Variants in DROSHA observed in about 807,000 individuals in gnomAD.
The protein encoded by DROSHA is ribonuclease 3.
DROSHA carries 56 observed loss-of-function variants against 181.9 expected under a neutral mutation model. That is an observed-to-expected ratio of 0.31 (90% CI 0.25 to 0.38). DROSHA has a LOEUF of 0.38. Ranked by LOEUF, DROSHA falls within the 10% of genes least tolerant of loss-of-function variation. The probability of loss-of-function intolerance (pLI) is 1.00; values close to 1 mark genes in which losing one functional copy is unlikely to be tolerated. For synonymous variants in DROSHA, 524 were observed against 591.2 expected (o/e 0.89, Z 1.65); for missense variants, 1,218 against 1,743.5 (o/e 0.70, Z 5.37).
At chr5:31,525,329 C>CAAAAAAAAAA in intron 5 of DROSHA, among the ~76,000 whole-genome samples, 1 of 46,056 alleles carries the variant, frequency 2.2e-5, no homozygotes, top group Non-Finnish European at 3.6e-5. Flanking sequence ...GACTTCATCT[C>CAAAAAAAAAA]AAAAAAAAAA....
chr5:31,427,996 GTA>G (rs2149999694), intron 27 of DROSHA, among the ~76,000 whole-genome samples: 1 of 152,248 alleles, frequency 6.6e-6, no homozygotes, highest in East Asian at 1.9e-4. Flanking sequence ...CACCCTGTTT[GTA>G]AGATAATGTT....
intron 13 of DROSHA, among the ~76,000 whole-genome samples, chr5:31,487,166 G>T (rs944644005): frequency 6.6e-6 from 1 of 152,158 alleles, no homozygotes; most frequent in Non-Finnish European, 1.5e-5. Flanking sequence ...CTATAACATG[G>T]GTTTGGCTAC....
In DROSHA at chr5:31,531,271, G is replaced by C. The variant is rs534843029; in HGVS notation, c.-174+179C>G. 2.6e-5 allele frequency among the ~76,000 whole-genome samples: 4 copies of C among 152,324 alleles called. No homozygotes were observed. The East Asian group carries it at 7.7e-4, about 29-fold the overall frequency. On this transcript the variant is annotated intron_variant, in intron 2 of 35. Transcript: ENST00000344624. ...CACCTAGAGGTGGGCAAAAGTCAGGGTCACGAACACTCTTGTACAGTGTGT... is the reference window on the plus strand; with the variant it reads ...CACCTAGAGGTGGGCAAAAGTCAGGCTCACGAACACTCTTGTACAGTGTGT...
At chr5:31,476,454 A>C (rs1750384006) in intron 16 of DROSHA, among the ~76,000 whole-genome samples, 1 of 152,250 alleles carries the variant, frequency 6.6e-6, no homozygotes, top group Admixed American at 6.5e-5. Context: ...GATGAGGCAG[A>C]AGCGAGTCAC....
intron 15 of DROSHA, among the ~76,000 whole-genome samples, chr5:31,483,913 T>G (rs1183717917): frequency 3.3e-5 from 5 of 152,140 alleles, no homozygotes; most frequent in African/African-American, 1.2e-4. Context: ...TTTTTAAAAT[T>G]CAAAACTATC....
chr5:31,437,133 G>T, intron 24 of DROSHA, 106 bp downstream of exon 24: 1 of 1,196,158 alleles, frequency 8.4e-7, no homozygotes, highest in Non-Finnish European at 1.2e-6. Context: ...AATACACGGT[G>T]TATCAATGCC....
intron 5 of DROSHA, 34 bp from the exon 6 acceptor site, chr5:31,521,249 C>T: frequency 6.2e-7 from 1 of 1,605,020 alleles, no homozygotes; most frequent in Non-Finnish European, 8.5e-7. Flanking sequence ...CTGTTTTCAA[C>T]AGAAAGACTC....
In DROSHA at chr5:31,431,366, C is replaced by CAAAAAAAAAAAAAA. The variant is rs58316191; in HGVS notation, c.3145+196_3145+209dup. On this transcript the variant is annotated intron_variant, in intron 26 of 35. Coordinates refer to ENST00000344624, the MANE Select transcript of DROSHA (RefSeq NM_001382508.1). ...AGACACCAATTCAGGCAGTAGAATG[C>CAAAAAAAAAAAAAA]AAAAAAAAAAAAAAAAAAAAAAAGA... is the stretch of plus-strand genomic sequence containing the variant. Among the ~76,000 whole-genome samples, 4 of 57,648 alleles carry CAAAAAAAAAAAAAA rather than the reference C, an allele frequency of 6.9e-5. 1 individual carries two copies. The highest frequency in any genetic ancestry group is 9.5e-5 in the Non-Finnish European group (3 of 31,526). The allele number at this position is 57,648 out of a possible 152,430, so 37.8% of individuals were successfully genotyped here.
At chr5:31,448,115 G>A (rs1015112331) in intron 23 of DROSHA, among the ~76,000 whole-genome samples, 5 of 152,148 alleles carry the variant, frequency 3.3e-5, no homozygotes, top group Non-Finnish European at 7.4e-5. Flanking sequence ...CCCATTAACT[G>A]ATGAACAGAT....
Position 31,449,290 on chromosome 5 carries a change from G to T in DROSHA, c.2812C>A (p.Arg938=), listed in dbSNP as rs776471094. 48 of 1,613,600 alleles carry T rather than the reference G, an allele frequency of 3.0e-5. No homozygotes were observed. The South Asian group carries it at 5.3e-4, about 18-fold the overall frequency. The change falls in exon 22 of 36, where the codon CGG becomes AGG. Residue 938 remains arginine (R), a synonymous_variant. Coordinates refer to ENST00000344624, the MANE Select transcript of DROSHA (RefSeq NM_001382508.1). ...AATCATCCAGACATACCTTTCTTCC[G>T]CATGTGCATGTGATGAACTTTTCTG... ...GDRKVHHMHM[R]KKGINTLINI...
chr5:31,405,772 T>C (rs956878349), intron 34 of DROSHA, 49 bp from the exon 35 acceptor site: 3 of 975,536 alleles, frequency 3.1e-6, no homozygotes, highest in Admixed American at 4.5e-5. Context: ...AGATTCTTTT[T>C]TTTTTTTTTT....
intron 11 of DROSHA, among the ~76,000 whole-genome samples, chr5:31,496,241 A>G (rs1752958423): frequency 6.6e-6 from 1 of 152,182 alleles, no homozygotes; most frequent in Non-Finnish European, 1.5e-5. Context: ...GTTCAAGACC[A>G]GCCTGGGCAA....
At chr5:31,421,936 A>G (rs1283152108) in intron 29 of DROSHA, 1 of 125,188 alleles carries the variant, frequency 8.0e-6, no homozygotes, top group African/African-American at 3.4e-5. Context: ...GTGTGTGTAT[A>G]TAAATTAGCC....
At position 31,406,847 on chromosome 5, in the gene DROSHA, T is replaced by A. The variant is rs1740718902; in HGVS notation, c.3947+6A>T. 1 of 1,612,334 alleles carries A rather than the reference T, an allele frequency of 6.2e-7. No individual in the cohort carries two copies. The highest frequency in any genetic ancestry group is 8.5e-7 in the Non-Finnish European group (1 of 1,178,578). ...CAAAGCAATTCCAGGTATTCTCTTC[T>A]CATACCTTGGTCCTTTCCCACAGCC... is the stretch of plus-strand genomic sequence containing the variant. On this transcript the variant is annotated splice_donor_region_variant and intron_variant, in intron 34 of 35. Transcript: ENST00000344624.
chr5:31,491,839 G>A (rs1430616323), intron 13 of DROSHA, among the ~76,000 whole-genome samples: 1 of 152,158 alleles, frequency 6.6e-6, no homozygotes, highest in Admixed American at 6.5e-5. Context: ...CTTCTGCCCA[G>A]GCTGGAGTGC....
Position 31,431,605 on chromosome 5 carries a change from G to C in DROSHA, c.3116C>G (p.Ala1039Gly), listed in dbSNP as rs774814888. The change falls in exon 26 of 36, where the codon GCA becomes GGA. Residue 1039 changes from alanine (A) to glycine (G), a missense_variant. This residue lies in a region of DROSHA where 71 missense variants were observed against 95.2 expected (regional missense o/e 0.75). Coordinates refer to ENST00000344624, the MANE Select transcript of DROSHA (RefSeq NM_001382508.1). The part of the protein sequence containing the change: ...DLCRESDLRH[A>G]MANCFEALIG... ...TAACGCTTCAAAACAATTGGCCATT[G>C]CATGTCGAAGGTCCGATTCTCTACA... 2 of 1,613,780 alleles carry C rather than the reference G, an allele frequency of 1.2e-6. No homozygotes were observed. The highest frequency in any genetic ancestry group is 2.7e-5 in the African/African-American group (2 of 74,898).
At chr5:31,518,638 C>CTAAG (rs1739529378) in intron 6 of DROSHA, among the ~76,000 whole-genome samples, 1 of 152,168 alleles carries the variant, frequency 6.6e-6, no homozygotes, top group Admixed American at 6.5e-5. Context: ...TGGCACCCTG[C>CTAAG]TAAGCACTTT....
intron 23 of DROSHA, among the ~76,000 whole-genome samples, chr5:31,447,581 G>A (rs898300525): frequency 6.6e-6 from 1 of 152,036 alleles, no homozygotes; most frequent in Non-Finnish European, 1.5e-5. Context: ...ACAATTCACA[G>A]AATGAAAAAA....
intron 19 of DROSHA, 104 bp from the exon 20 acceptor site, chr5:31,464,447 T>G: frequency 1.1e-6 from 1 of 919,750 alleles, no homozygotes; most frequent in South Asian, 1.6e-5. Flanking sequence ...ATATTACCCC[T>G]ACATTCAGAT....
Sources: gnomAD v4.1 joint callset for allele counts (sites outside exome capture counted in the v4.1 genomes callset) on GRCh38, gnomAD v4.1.1 for gene constraint, gnomAD v4.1.1 regional missense constraint, MANE v1.5 for transcripts, NCBI Gene and HGNC (gene_info 2026-07-23, HGNC 2026-07-21) for gene names.